Variants in TOP6BL observed in about 807,000 individuals in gnomAD.
The protein encoded by TOP6BL is TOP6B like initiator of meiotic double strand breaks, also known as type 2 DNA topoisomerase 6 subunit B-like.
chr11:66,795,621 A>T, the TOP6BL span, among the ~76,000 whole-genome samples: 4 of 151,732 alleles, frequency 2.6e-5, no homozygotes, highest in Non-Finnish European at 5.9e-5. Flanking sequence ...AAATATATGG[A>T]TCCTTAAAAC....
the TOP6BL span, among the ~76,000 whole-genome samples, chr11:66,789,230 A>G: frequency 6.6e-6 from 1 of 152,212 alleles, no homozygotes; most frequent in East Asian, 1.9e-4. Flanking sequence ...AGTGACTCCC[A>G]GTGCAGATCC....
chr11:66,800,115 C>T, the TOP6BL span, among the ~76,000 whole-genome samples: 1 of 150,374 alleles, frequency 6.7e-6, no homozygotes, highest in African/African-American at 2.4e-5. Flanking sequence ...TGTGTATATA[C>T]CACATTTTCT....
At chr11:66,829,732 T>C in the TOP6BL span, among the ~76,000 whole-genome samples, 1 of 150,588 alleles carries the variant, frequency 6.6e-6, no homozygotes, top group East Asian at 2.0e-4. Context: ...TACAAAAAAA[T>C]AGAAAAATTA....
chr11:66,821,550 C>T, the TOP6BL span: 2 of 1,405,776 alleles, frequency 1.4e-6, no homozygotes, highest in South Asian at 2.6e-5. Context: ...GCTGGGATTA[C>T]AGGCCACATC....
the TOP6BL span, among the ~76,000 whole-genome samples, chr11:66,809,370 G>C: frequency 1.3e-5 from 2 of 152,172 alleles, no homozygotes; most frequent in South Asian, 2.1e-4. Flanking sequence ...TACCAACCTA[G>C]AATTTCATAT....
At chr11:66,753,990 C>T in the TOP6BL span, among the ~76,000 whole-genome samples, 1 of 152,254 alleles carries the variant, frequency 6.6e-6, no homozygotes, top group African/African-American at 2.4e-5. Flanking sequence ...CAGGCATGAG[C>T]CACCACGCCT....
chr11:66,799,398 A>G, the TOP6BL span, among the ~76,000 whole-genome samples: 1 of 151,104 alleles, frequency 6.6e-6, no homozygotes, highest in Non-Finnish European at 1.5e-5. Flanking sequence ...AAAAAAAAAA[A>G]AGAATGTCTT....
the TOP6BL span, among the ~76,000 whole-genome samples, chr11:66,778,476 A>G: frequency 6.6e-6 from 1 of 152,124 alleles, no homozygotes; most frequent in Non-Finnish European, 1.5e-5. Flanking sequence ...AAAATAAAAT[A>G]TAAAATTTAT....
chr11:66,788,086 A>G, the TOP6BL span: 1 of 1,056,802 alleles, frequency 9.5e-7, no homozygotes, highest in South Asian at 1.4e-5. Flanking sequence ...TCACCAGTTT[A>G]ATAAACAAAT....
At chr11:66,798,942 C>A in the TOP6BL span, among the ~76,000 whole-genome samples, 1 of 152,028 alleles carries the variant, frequency 6.6e-6, no homozygotes, top group South Asian at 2.1e-4. Context: ...CACAGTGGCT[C>A]ACGCCTGTAA....
At chr11:66,843,435 C>G in the TOP6BL span, 4 of 1,388,818 alleles carry the variant, frequency 2.9e-6, no homozygotes, top group Non-Finnish European at 3.7e-6. Flanking sequence ...GTCACTGGTG[C>G]GCGCCGCGGG....
the TOP6BL span, among the ~76,000 whole-genome samples, chr11:66,823,164 GT>G: frequency 6.6e-6 from 1 of 151,872 alleles, no homozygotes; most frequent in East Asian, 1.9e-4. Flanking sequence ...CGTGGTGGCA[GT>G]TGCATGTAAT....
chr11:66,750,065 A>G, the TOP6BL span, among the ~76,000 whole-genome samples: 2 of 152,140 alleles, frequency 1.3e-5, no homozygotes, highest in African/African-American at 4.8e-5. Flanking sequence ...TCTGTCTTCT[A>G]GATTTTTCTA....
chr11:66,843,184 C>G, the TOP6BL span: 3 of 1,611,170 alleles, frequency 1.9e-6, no homozygotes, highest in African/African-American at 2.7e-5. Flanking sequence ...GCTGTGGCTG[C>G]AGGAGGTCTC....
the TOP6BL span, among the ~76,000 whole-genome samples, chr11:66,784,789 C>T: frequency 6.6e-6 from 1 of 152,098 alleles, no homozygotes; most frequent in East Asian, 1.9e-4. Flanking sequence ...TGGGTTGTTT[C>T]CACTTTTAGC....
the TOP6BL span, among the ~76,000 whole-genome samples, chr11:66,836,247 C>T: frequency 6.6e-6 from 1 of 152,066 alleles, no homozygotes; most frequent in African/African-American, 2.4e-5. Context: ...GACGGAGTCT[C>T]ACTCTGTTGC....
the TOP6BL span, among the ~76,000 whole-genome samples, chr11:66,763,603 C>T: frequency 6.6e-6 from 1 of 151,892 alleles, no homozygotes; most frequent in African/African-American, 2.4e-5. Flanking sequence ...AGTCACTGCA[C>T]CTGTCCTATT....
At chr11:66,820,245 C>T in the TOP6BL span, among the ~76,000 whole-genome samples, 1 of 152,128 alleles carries the variant, frequency 6.6e-6, no homozygotes, top group Admixed American at 6.6e-5. Flanking sequence ...TTGAGCTTAC[C>T]ATATATTACG....
the TOP6BL span, among the ~76,000 whole-genome samples, chr11:66,755,886 T>C: frequency 1.3e-5 from 2 of 152,198 alleles, no homozygotes; most frequent in Admixed American, 1.3e-4. Context: ...CATGGCCTTC[T>C]TATAAGTACA....
Sources: allele counts gnomAD v4.1 joint callset (sites outside exome capture counted in the v4.1 genomes callset), GRCh38; gene constraint gnomAD v4.1.1; transcripts MANE v1.5; gene names NCBI Gene and HGNC (gene_info 2026-07-23, HGNC 2026-07-21).